Variants in ABCC9 observed in about 807,000 individuals in gnomAD.
The protein encoded by ABCC9 is ATP-binding cassette sub-family C member 9.
Under a neutral mutation model 188.3 loss-of-function variants are expected in ABCC9, and 95 were observed. The observed-to-expected ratio is 0.50, with a 90% CI of 0.43 to 0.60. ABCC9 has a LOEUF of 0.60. ABCC9 is among the 20% of genes least tolerant of loss of function. ABCC9 has a pLI of 0.00. For synonymous variants in ABCC9, 659 were observed against 652.7 expected, an observed-to-expected ratio of 1.01 and a Z score of -0.15; for missense variants, 1,102 against 1,876.3, an observed-to-expected ratio of 0.59 and a Z score of 7.62.
intron 18 of ABCC9, among the ~76,000 whole-genome samples, chr12:21,868,102 C>T (rs992206267): frequency 1.3e-5 from 2 of 152,136 alleles, no homozygotes; most frequent in Non-Finnish European, 2.9e-5. Context: ...GAATTTTTTT[C>T]ATTCCTCTCT....
chr12:21,838,156 A>G lies in ABCC9; in HGVS notation c.3488T>C (p.Leu1163Pro). ...CAGAGGGAGCTGGGTACTATCGTCA[A>G]GTTCCTGGAGGTCCCTAGTAGAGAG... is the stretch of plus-strand genomic sequence containing the variant. ...FRVASKDLQE[L>P]DDSTQLPLLC... The change falls in exon 30 of 40, where the codon CTT (leucine) becomes CCT (proline). Residue 1163 changes from leucine to proline, a missense_variant. Transcript: ENST00000261200. The G allele has an allele frequency of 1.2e-6, 2 of 1,613,944 alleles. No individual in the cohort carries two copies. The highest frequency in any genetic ancestry group is 1.7e-6 in the Non-Finnish European group (2 of 1,179,822).
intron 4 of ABCC9, among the ~76,000 whole-genome samples, chr12:21,929,214 C>G (rs973363628): frequency 6.6e-6 from 1 of 151,692 alleles, no homozygotes; most frequent in Non-Finnish European, 1.5e-5. Flanking sequence ...CTTTCTAATA[C>G]TAATTAAATA....
intron 2 of ABCC9, among the ~76,000 whole-genome samples, chr12:21,939,986 C>T (rs2138099857): frequency 6.6e-6 from 1 of 152,214 alleles, no homozygotes; most frequent in African/African-American, 2.4e-5. Context: ...CTGACCTATC[C>T]AGTCTGTTGG....
chr12:21,872,144 C>T (rs898150940), intron 18 of ABCC9, among the ~76,000 whole-genome samples: 35 of 152,102 alleles, frequency 2.3e-4, no homozygotes, highest in African/African-American at 6.5e-4. Context: ...TCCAACTAGA[C>T]GCTTCTAGTA....
At chr12:21,861,507 C>G (rs564863387) in intron 20 of ABCC9, among the ~76,000 whole-genome samples, 1 of 152,284 alleles carries the variant, frequency 6.6e-6, no homozygotes, top group African/African-American at 2.4e-5. Flanking sequence ...GCTAGGATTA[C>G]AGGCGTGAAC....
rs979898766 is a variant in ABCC9 at position 21,834,703 on chromosome 12, C to CAT, written c.3566+3373_3566+3374dup. ...TCTTTTTCCATCCATCTGTTCCTTT[C>CAT]ATATATATATATCCAGAAGAATAAA... On this transcript the variant is annotated intron_variant, in intron 30 of 39. Coordinates refer to ENST00000261200, the MANE Select transcript of ABCC9 (RefSeq NM_020297.4). Among the ~76,000 whole-genome samples, 49 of 150,102 alleles carry CAT rather than the reference C, an allele frequency of 3.3e-4. 1 individual carries two copies. Among genetic ancestry groups the CAT allele is most frequent in the East Asian group, 1.4e-3 (7 of 5,120 alleles).
At chr12:21,939,514 T>C (rs12315609) in intron 2 of ABCC9, among the ~76,000 whole-genome samples, 4,176 of 152,294 alleles carry the variant, frequency 0.027, 212 homozygotes, top group African/African-American at 0.096. Flanking sequence ...CCAGGTTCAA[T>C]TGGGAATGTT....
chr12:21,855,368 C>T (rs369969208), intron 22 of ABCC9, among the ~76,000 whole-genome samples: 147 of 152,178 alleles, frequency 9.7e-4, no homozygotes, highest in African/African-American at 3.3e-3. Flanking sequence ...TACAGGCACA[C>T]GCCACCACGC....
At chr12:21,877,653 G>A (rs538091439) in intron 16 of ABCC9, among the ~76,000 whole-genome samples, 15 of 152,296 alleles carry the variant, frequency 9.8e-5, no homozygotes, top group African/African-American at 2.6e-4. Context: ...ACATGACACC[G>A]TTGATGTTCT....
Position 21,925,457 on chromosome 12 carries a change from A to T in ABCC9, c.406+485T>A, listed in dbSNP as rs113677041. The T allele has an allele frequency of 1.0e-5, 7 of 701,988 alleles. No individual in the cohort carries two copies. Among genetic ancestry groups the T allele is most frequent in the Non-Finnish European group, 1.6e-5 (6 of 384,496 alleles). 43.5% of individuals were successfully genotyped at this position (701,988 alleles called of 1,614,324 possible). On this transcript the variant is annotated intron_variant, in intron 5 of 39. Coordinates refer to ENST00000261200, the MANE Select transcript of ABCC9 (RefSeq NM_020297.4). ...TTATGCTAGAAACATACTCTGCTAC[A>T]TAGTAATTCTAGTAAAATGTGGCAT...
chr12:21,814,843 A>C, intron 34 of ABCC9, 121 bp from the exon 35 acceptor site: 1 of 787,660 alleles, frequency 1.3e-6, no homozygotes, highest in South Asian at 1.5e-5. Context: ...AAATAATTAC[A>C]TTATAGTTAT....
At chr12:21,854,050 A>G (rs1291313632) in intron 22 of ABCC9, among the ~76,000 whole-genome samples, 1 of 152,222 alleles carries the variant, frequency 6.6e-6, no homozygotes, top group Admixed American at 6.5e-5. Flanking sequence ...TTCTCATGCT[A>G]CTACACACAG....
intron 16 of ABCC9, among the ~76,000 whole-genome samples, chr12:21,877,335 CT>C (rs1238303944): frequency 6.6e-6 from 1 of 152,052 alleles, no homozygotes; most frequent in Non-Finnish European, 1.5e-5. Flanking sequence ...AAAAAGAGGC[CT>C]TTTAACTAGT....
In ABCC9 at chr12:21,883,412, A is replaced by T. The variant is rs141689205; in HGVS notation, c.1912-539T>A. Among the ~76,000 whole-genome samples the T allele has an allele frequency of 3.4e-4, 52 of 152,298 alleles. No homozygotes were observed. In the East Asian group the frequency reaches 8.9e-3, roughly 26 times the overall value. ...GGGGAGTTCCCCTGCACATGCTCTC[A>T]TGCCTGCCACCATGTAAGATGTGCC... On this transcript the variant is annotated intron_variant, in intron 15 of 39. Transcript: ENST00000261200.
chr12:21,889,847 A>T (rs2137705936), intron 14 of ABCC9, among the ~76,000 whole-genome samples: 1 of 152,228 alleles, frequency 6.6e-6, no homozygotes, highest in Non-Finnish European at 1.5e-5. Context: ...CCATCAATGG[A>T]TGCCAATACT....
At chr12:21,855,955 T>C (rs1464172161) in intron 22 of ABCC9, among the ~76,000 whole-genome samples, 1 of 152,170 alleles carries the variant, frequency 6.6e-6, no homozygotes, top group African/African-American at 2.4e-5. Flanking sequence ...CTGTGTGATG[T>C]TGGATAAGTT....
At chr12:21,932,338 C>T (rs1283489106) in intron 4 of ABCC9, among the ~76,000 whole-genome samples, 1 of 151,752 alleles carries the variant, frequency 6.6e-6, no homozygotes, top group East Asian at 1.9e-4. Flanking sequence ...TAAGCAATAC[C>T]ATTCAGGACA....
intron 15 of ABCC9, among the ~76,000 whole-genome samples, chr12:21,883,999 C>A (rs1464971330): frequency 6.6e-6 from 1 of 152,022 alleles, no homozygotes; most frequent in Admixed American, 6.6e-5. Flanking sequence ...TCATAAACCT[C>A]TAATCTGGAA....
At chr12:21,937,702 A>G (rs1165445897) in intron 2 of ABCC9, among the ~76,000 whole-genome samples, 1 of 152,216 alleles carries the variant, frequency 6.6e-6, no homozygotes, top group African/African-American at 2.4e-5. Context: ...GGCACTTTGC[A>G]TATCTTAAAT....
Sources: gnomAD v4.1 joint callset for allele counts (sites outside exome capture counted in the v4.1 genomes callset) on GRCh38, gnomAD v4.1.1 for gene constraint, MANE v1.5 for transcripts, NCBI Gene and HGNC (gene_info 2026-07-23, HGNC 2026-07-21) for gene names.